Variants in FECH observed in about 807,000 individuals in gnomAD.
FECH encodes the protein ferrochelatase.
In FECH, 40 loss-of-function variants were observed where a neutral mutation model predicts 56.9. The observed-to-expected ratio is 0.70, with a 90% CI of 0.55 to 0.92. The LOEUF is 0.92. FECH is among the 40% of genes least tolerant of loss of function. The pLI is 0.00. For synonymous variants in FECH, 175 were observed against 198.6 expected, an observed-to-expected ratio of 0.88 and a Z score of 1.00; for missense variants, 431 against 529.1, an observed-to-expected ratio of 0.81 and a Z score of 1.82.
chr18:57,560,641 A>C (rs2122276075), intron 6 of FECH, among the ~76,000 whole-genome samples: 1 of 152,328 alleles, frequency 6.6e-6, no homozygotes, highest in Admixed American at 6.5e-5. Context: ...ACAGAGTGAA[A>C]CCCTGCCTCA....
intron 7 of FECH, among the ~76,000 whole-genome samples, chr18:57,557,358 A>T (rs2050881865): frequency 6.6e-6 from 1 of 152,158 alleles, no homozygotes; most frequent in Non-Finnish European, 1.5e-5. Context: ...CCCATACCTG[A>T]CTTATCCTTA....
chr18:57,558,714 G>A (rs1245790752), intron 7 of FECH, among the ~76,000 whole-genome samples: 1 of 152,192 alleles, frequency 6.6e-6, no homozygotes, highest in East Asian at 1.9e-4. Context: ...AAGGTCAGGA[G>A]TTTGAGACCA....
intron 1 of FECH, among the ~76,000 whole-genome samples, chr18:57,586,183 T>C (rs746892048): frequency 2.0e-5 from 3 of 152,216 alleles, no homozygotes; most frequent in African/African-American, 4.8e-5. Flanking sequence ...TGAAGATGCC[T>C]TCCTTACTAT....
At chr18:57,575,758 T>C (rs1473863996) in intron 2 of FECH, among the ~76,000 whole-genome samples, 1 of 151,868 alleles carries the variant, frequency 6.6e-6, no homozygotes. Flanking sequence ...TTTTAAACAA[T>C]TATTAACAAC....
chr18:57,555,473 TC>T (rs1367632893), intron 7 of FECH, among the ~76,000 whole-genome samples: 1 of 152,152 alleles, frequency 6.6e-6, no homozygotes, highest in Non-Finnish European at 1.5e-5. Context: ...ACCTGCACCT[TC>T]CACTTCCTCT....
At chr18:57,573,464 A>G in intron 2 of FECH, 99 bp from the exon 3 acceptor site, 6 of 1,392,468 alleles carry the variant, frequency 4.3e-6, no homozygotes, top group Non-Finnish European at 6.1e-6. Context: ...TGTTCCATAC[A>G]AAGGTAAATA....
chr18:57,554,493 C>T, intron 8 of FECH, 69 bp from the exon 9 acceptor site: 1 of 1,566,144 alleles, frequency 6.4e-7, no homozygotes, highest in Non-Finnish European at 8.8e-7. Context: ...CCCTGTTTGC[C>T]CCCCTGGGCA....
At position 57,557,355 on chromosome 18, in the gene FECH, C is replaced by G. The variant is rs569818737; in HGVS notation, c.804+1790G>C. Among the ~76,000 whole-genome samples, 9 of 152,302 alleles carry G rather than the reference C, an allele frequency of 5.9e-5. 1 individual carries two copies. The South Asian group carries it at 1.9e-3, about 32-fold the overall frequency. ...CAACTCTCCAATGTCCTCCCCATAC[C>G]TGACTTATCCTTATGACACTGTGGC... On this transcript the variant is annotated intron_variant, in intron 7 of 10. Coordinates refer to ENST00000262093, the MANE Select transcript of FECH (RefSeq NM_000140.5).
intron 4 of FECH, among the ~76,000 whole-genome samples, chr18:57,569,344 C>T (rs1320218643): frequency 6.6e-6 from 1 of 152,214 alleles, no homozygotes; most frequent in East Asian, 1.9e-4. Flanking sequence ...CTCAAAACGT[C>T]CACACTGGCT....
rs190376544 is a variant in FECH, at chr18:57,574,281, A to G, written c.195-916T>C. ...TGGGATTACAGGTGTGAGCCACCAC[A>G]CCAGGACTGACTTAAGTTATTGCTT... On this transcript the variant is annotated intron_variant, in intron 2 of 10. Coordinates refer to ENST00000262093, the MANE Select transcript of FECH (RefSeq NM_000140.5). 2.0e-5 allele frequency among the ~76,000 whole-genome samples: 3 copies of G among 152,194 alleles called. No individual in the cohort carries two copies. The East Asian group carries it at 5.8e-4, about 29-fold the overall frequency.
chr18:57,566,011 AACG>A (rs1335934399), intron 5 of FECH, among the ~76,000 whole-genome samples: 1 of 152,240 alleles, frequency 6.6e-6, no homozygotes, highest in African/African-American at 2.4e-5. Context: ...GAAGCAAAAC[AACG>A]ACAACAGCAA....
intron 7 of FECH, among the ~76,000 whole-genome samples, chr18:57,555,835 A>G (rs2050860595): frequency 6.6e-6 from 1 of 152,228 alleles, no homozygotes; most frequent in African/African-American, 2.4e-5. Context: ...GGTGAAATGA[A>G]ATATACTGAT....
At chr18:57,559,021 T>C (rs2050904483) in intron 7 of FECH, 124 bp downstream of exon 7, 2 of 729,562 alleles carry the variant, frequency 2.7e-6, no homozygotes, top group South Asian at 2.9e-5. Flanking sequence ...AAGTCTGAGA[T>C]TTGAGAATTC....
At chr18:57,557,654 AGGC>A (rs2050885853) in intron 7 of FECH, among the ~76,000 whole-genome samples, 1 of 152,110 alleles carries the variant, frequency 6.6e-6, no homozygotes, top group African/African-American at 2.4e-5. Flanking sequence ...AAAATTAGCC[AGGC>A]GTGGTTGCGT....
chr18:57,560,490 C>A (rs1787998), intron 6 of FECH, among the ~76,000 whole-genome samples: 88,172 of 151,970 alleles, frequency 0.58, 25,789 homozygotes, highest in Non-Finnish European at 0.62. Flanking sequence ...ATCTCCACAA[C>A]ATTTTTAAAA....
chr18:57,552,271 C>T (rs2050809803), intron 9 of FECH, among the ~76,000 whole-genome samples: 1 of 152,102 alleles, frequency 6.6e-6, no homozygotes, highest in Admixed American at 6.5e-5. Context: ...CCAAAAATAT[C>T]CACTGCCTAA....
intron 1 of FECH, among the ~76,000 whole-genome samples, chr18:57,584,178 CAAA>C (rs373579412): frequency 6.5e-4 from 89 of 137,280 alleles, no homozygotes; most frequent in East Asian, 1.7e-3. Flanking sequence ...GACTCCGTCT[CAAA>C]AAAAAAAAAA....
At chr18:57,581,961 G>A (rs1430970312) in intron 1 of FECH, among the ~76,000 whole-genome samples, 7 of 151,850 alleles carry the variant, frequency 4.6e-5, no homozygotes, top group Admixed American at 4.6e-4. Flanking sequence ...GAAGTGCAAA[G>A]ATTCCATAAA....
At chr18:57,566,677 G>T in intron 4 of FECH, 96 bp from the exon 5 acceptor site, 1 of 1,467,598 alleles carries the variant, frequency 6.8e-7, no homozygotes. Flanking sequence ...ACAAAGAACA[G>T]TTCATGTAAT....
Sources: allele counts gnomAD v4.1 joint callset (sites outside exome capture counted in the v4.1 genomes callset), GRCh38; gene constraint gnomAD v4.1.1; transcripts MANE v1.5; gene names NCBI Gene and HGNC (gene_info 2026-07-23, HGNC 2026-07-21).